Variants in LRRC8D observed in about 807,000 individuals in gnomAD.
LRRC8D encodes the protein volume-regulated anion channel subunit LRRC8D.
Under a neutral mutation model 55.8 loss-of-function variants are expected in LRRC8D, and 20 were observed. The ratio of observed to expected loss-of-function variants is 0.36; its 90% confidence interval spans 0.25 to 0.52. LRRC8D has a LOEUF of 0.52. Among genes scored for constraint, LRRC8D ranks in the 20% least tolerant of loss-of-function variants. The pLI is 0.93. For synonymous variants in LRRC8D, 352 were observed against 377.0 expected (o/e 0.93, Z 0.77); for missense variants, 651 against 1,030.8 (o/e 0.63, Z 5.05).
At chr1:89,931,496 C>T (rs964083916) in intron 2 of LRRC8D, among the ~76,000 whole-genome samples, 2 of 152,108 alleles carry the variant, frequency 1.3e-5, no homozygotes, top group African/African-American at 2.4e-5. Flanking sequence ...TGTGGTGGCT[C>T]ACACCTGTAA....
intron 1 of LRRC8D, among the ~76,000 whole-genome samples, chr1:89,831,572 G>T (rs1660887552): frequency 6.6e-6 from 1 of 151,960 alleles, no homozygotes; most frequent in South Asian, 2.1e-4. Flanking sequence ...ATTGATTTGG[G>T]GTAAATGGGG....
intron 2 of LRRC8D, among the ~76,000 whole-genome samples, chr1:89,917,811 C>T (rs758136107): frequency 7.2e-5 from 11 of 152,130 alleles, no homozygotes; most frequent in South Asian, 2.1e-4. Flanking sequence ...GCCTTGGAAG[C>T]GGTCAGTGCG....
intron 2 of LRRC8D, among the ~76,000 whole-genome samples, chr1:89,855,053 G>A (rs1279302323): frequency 6.6e-6 from 1 of 151,974 alleles, no homozygotes; most frequent in Non-Finnish European, 1.5e-5. Flanking sequence ...TCTCTATGTT[G>A]TTTCTCTCTC....
chr1:89,907,537 G>C (rs1663029032), intron 2 of LRRC8D, among the ~76,000 whole-genome samples: 2 of 152,082 alleles, frequency 1.3e-5, no homozygotes, highest in Admixed American at 6.5e-5. Flanking sequence ...ATGAGGAAGA[G>C]GAATCACACT....
intron 2 of LRRC8D, among the ~76,000 whole-genome samples, chr1:89,904,491 G>T (rs1334061594): frequency 6.6e-6 from 1 of 152,206 alleles, no homozygotes; most frequent in Non-Finnish European, 1.5e-5. Context: ...TTCCTTAAAA[G>T]GACTGCAGGA....
chr1:89,868,656 A>T lies in LRRC8D; in HGVS notation c.-3+24874A>T, dbSNP rs546926097. 3.9e-5 allele frequency among the ~76,000 whole-genome samples: 6 copies of T among 152,312 alleles called. No homozygotes were observed. In the South Asian group the frequency reaches 1.2e-3, roughly 32 times the overall value. On this transcript the variant is annotated intron_variant, in intron 2 of 2. Transcript: ENST00000337338. ...GTCATTTAATTGACATAGCAACTCGATGAAGTTGATCCTACTCTTATTCCT... is the reference window on the plus strand; with the variant it reads ...GTCATTTAATTGACATAGCAACTCGTTGAAGTTGATCCTACTCTTATTCCT...
intron 2 of LRRC8D, among the ~76,000 whole-genome samples, chr1:89,925,133 C>T (rs1244623606): frequency 6.6e-6 from 1 of 152,176 alleles, no homozygotes; most frequent in Non-Finnish European, 1.5e-5. Context: ...ACTGCCTTAG[C>T]TCTGCCTCTT....
chr1:89,876,772 T>C (rs551683669), intron 2 of LRRC8D, among the ~76,000 whole-genome samples: 44 of 152,312 alleles, frequency 2.9e-4, no homozygotes, highest in African/African-American at 1.0e-3. Flanking sequence ...TAGAGTCGAG[T>C]AGTTGTTACA....
chr1:89,840,229 G>GCACACA (rs35883578), intron 1 of LRRC8D, among the ~76,000 whole-genome samples: 3 of 151,644 alleles, frequency 2.0e-5, no homozygotes, highest in Non-Finnish European at 2.9e-5. Context: ...ACGTGCGCAT[G>GCACACA]CACACACACA....
chr1:89,895,184 A>G (rs1403367876), intron 2 of LRRC8D, among the ~76,000 whole-genome samples: 1 of 152,244 alleles, frequency 6.6e-6, no homozygotes, highest in South Asian at 2.1e-4. Flanking sequence ...CTGGGAACAC[A>G]TGCAGGACTT....
chr1:89,924,279 C>T (rs1437707163), intron 2 of LRRC8D, among the ~76,000 whole-genome samples: 1 of 152,122 alleles, frequency 6.6e-6, no homozygotes, highest in Non-Finnish European at 1.5e-5. Flanking sequence ...AAACACTTCT[C>T]AAAAGAAGAC....
chr1:89,851,082 GTCT>G (rs1391060554), intron 2 of LRRC8D, among the ~76,000 whole-genome samples: 1 of 125,124 alleles, frequency 8.0e-6, no homozygotes, highest in Admixed American at 7.8e-5. Context: ...TTTTTTTTTT[GTCT>G]TTTCTTTTCT....
intron 2 of LRRC8D, among the ~76,000 whole-genome samples, chr1:89,888,500 CAA>C (rs1223491873): frequency 6.6e-6 from 1 of 152,176 alleles, no homozygotes; most frequent in Non-Finnish European, 1.5e-5. Context: ...TGTATATACA[CAA>C]GTTAGTACGC....
At chr1:89,857,938 T>TA (rs1661598725) in intron 2 of LRRC8D, among the ~76,000 whole-genome samples, 1 of 152,212 alleles carries the variant, frequency 6.6e-6, no homozygotes, top group Admixed American at 6.5e-5. Flanking sequence ...CACTTTAAGG[T>TA]ATAGCCTTTG....
rs776006319 is a variant in LRRC8D, at chr1:89,934,602, A to G, written c.1534A>G (p.Met512Val). The change falls in exon 3 of 3, where the codon ATG becomes GTG. Residue 512 changes from methionine (M) to valine (V), a missense_variant. Met to Val is a conservative substitution (Grantham distance 21). Around this residue, in one of 5 missense-constraint regions of LRRC8D, gnomAD observed 338 missense variants for 479.4 expected, o/e 0.71. Coordinates refer to ENST00000337338, the MANE Select transcript of LRRC8D (RefSeq NM_001134479.2). The surrounding 1 kb of genome is among the most constrained non-coding windows in gnomAD (Gnocchi z 5.9). ...TAAAATTCCTGCTAAGATTTCTCAA[A>G]TGACTAACCTCCAAGAGCTCCACCT... ...EAKIPAKISQ[M>V]TNLQELHLCH... The G allele has an allele frequency of 3.7e-6, 6 of 1,614,172 alleles. No individual in the cohort carries two copies. The highest frequency in any genetic ancestry group is 1.6e-4 in the Middle Eastern group (1 of 6,062).
chr1:89,856,907 T>C (rs1361963415), intron 2 of LRRC8D, among the ~76,000 whole-genome samples: 1 of 152,196 alleles, frequency 6.6e-6, no homozygotes, highest in Non-Finnish European at 1.5e-5. Context: ...AAGTTAACAT[T>C]TCATATAATT....
intron 2 of LRRC8D, among the ~76,000 whole-genome samples, chr1:89,865,532 T>C (rs1458135018): frequency 2.0e-5 from 3 of 152,060 alleles, no homozygotes; most frequent in Non-Finnish European, 4.4e-5. Context: ...GGTCCAAATA[T>C]GTACTTAAGG....
chr1:89,921,639 A>G (rs113519268), intron 2 of LRRC8D, among the ~76,000 whole-genome samples: 3,436 of 151,968 alleles, frequency 0.023, 116 homozygotes, highest in African/African-American at 0.069. Context: ...CCGCCTCCCA[A>G]CTTCAAGCAA....
chr1:89,849,912 A>G (rs537890987), intron 2 of LRRC8D, among the ~76,000 whole-genome samples: 40 of 152,162 alleles, frequency 2.6e-4, no homozygotes, highest in Non-Finnish European at 4.9e-4. Context: ...ATCACTTTAT[A>G]TTATTATTAT....
Sources: allele counts gnomAD v4.1 joint callset (sites outside exome capture counted in the v4.1 genomes callset), GRCh38; gene constraint gnomAD v4.1.1; regional missense constraint gnomAD v4.1.1; non-coding constraint Gnocchi (gnomAD v3.1); transcripts MANE v1.5; gene names NCBI Gene and HGNC (gene_info 2026-07-23, HGNC 2026-07-21).